The following EP400 variants were observed in gnomAD, a reference collection of about 807,000 sequenced individuals.
The protein encoded by EP400 is E1A-binding protein p400.
A neutral mutation model predicts 354.1 loss-of-function variants in EP400; 105 were observed. The observed-to-expected ratio is 0.30, with a 90% CI of 0.25 to 0.35. The LOEUF (loss-of-function observed/expected upper bound fraction) is 0.35, where lower values mean the gene tolerates loss of function less well. EP400 is among the 10% of genes least tolerant of loss of function. EP400 has a pLI of 1.00. For missense variants in EP400, 3,280 were observed against 4,121.0 expected (o/e 0.80, Z 5.59); for synonymous variants, 1,646 against 1,716.9 (o/e 0.96, Z 1.02).
intron 51 of EP400, among the ~76,000 whole-genome samples, chr12:132,072,111 G>A (rs1239452928): frequency 1.3e-5 from 2 of 152,142 alleles, no homozygotes; most frequent in Non-Finnish European, 2.9e-5. Context: ...AGCCTCGTTC[G>A]TGCGCTCTGC....
At chr12:132,011,256 A>G (rs1893754265) in intron 15 of EP400, among the ~76,000 whole-genome samples, 1 of 152,198 alleles carries the variant, frequency 6.6e-6, no homozygotes, top group African/African-American at 2.4e-5. Flanking sequence ...TGTGTCTACT[A>G]AGGCCTCCTC....
chr12:131,966,427 G>A (rs1260765266), intron 2 of EP400, among the ~76,000 whole-genome samples: 1 of 151,778 alleles, frequency 6.6e-6, no homozygotes, highest in East Asian at 1.9e-4. Flanking sequence ...AAATCAGCTG[G>A]GCATGGTGGC....
intron 4 of EP400, 137 bp from the exon 5 acceptor site, chr12:131,981,956 G>A (rs867035830): frequency 1.1e-5 from 13 of 1,165,794 alleles, no homozygotes; most frequent in Admixed American, 4.7e-5. Context: ...GTGTGTGCTC[G>A]GTTGTGGCCA....
rs71470359 is a variant in EP400 at position 131,998,966 on chromosome 12, A to G, written c.2827+4010A>G. On this transcript the variant is annotated intron_variant, in intron 12 of 52. Transcript: ENST00000389561. ...TACTTCTCTGAAGAGTTTTTCCTTTATAATCCTTGTTCCTTTTATACTACT... is the reference window on the plus strand; with the variant it reads ...TACTTCTCTGAAGAGTTTTTCCTTTGTAATCCTTGTTCCTTTTATACTACT... Among the ~76,000 whole-genome samples, 1,431 of 148,034 alleles carry G rather than the reference A, an allele frequency of 9.7e-3. 11 individuals are homozygous for G. The highest frequency in any genetic ancestry group is 0.017 in the Non-Finnish European group (1,122 of 66,762).
rs1225261411 is a variant in EP400 at position 132,054,448 on chromosome 12, GA to G, written c.7729-525del. ...CTGGAGCCACGTCCTACAGGGGAGG[GA>G]GGCAGCCAAAGGGATCATTTTAAAT... On this transcript the variant is annotated intron_variant, in intron 43 of 52. Coordinates refer to ENST00000389561, the MANE Select transcript of EP400 (RefSeq NM_015409.5). This position sits in a 1 kb window ranked among gnomAD's most constrained non-coding sequence, Gnocchi z 4.0. Among the ~76,000 whole-genome samples the G allele has an allele frequency of 1.3e-5, 2 of 152,228 alleles. No individual in the cohort carries two copies. Among genetic ancestry groups the G allele is most frequent in the African/African-American group, 4.8e-5 (2 of 41,462 alleles).
rs148186048 is a variant in EP400, at chr12:132,077,150, C to T, written c.9100-251C>T. On this transcript the variant is annotated intron_variant, in intron 52 of 52. Transcript: ENST00000389561. The stretch of plus-strand genomic sequence containing the variant: ...GCTTTACTACAACAACAAAATCAGT[C>T]CCTGACCCAGCTCTCACCCTTTTCC... 4.7e-4 allele frequency among the ~76,000 whole-genome samples: 72 copies of T among 152,368 alleles called. No individual in the cohort carries two copies. In the East Asian group the frequency reaches 0.013, roughly 27 times the overall value.
intron 30 of EP400, among the ~76,000 whole-genome samples, chr12:132,037,007 G>A (rs1894741306): frequency 6.6e-6 from 1 of 152,148 alleles, no homozygotes. Flanking sequence ...AAATCATGCT[G>A]TTAAAGTTGT....
intron 21 of EP400, among the ~76,000 whole-genome samples, chr12:132,019,370 C>T (rs999755628): frequency 6.6e-6 from 1 of 152,118 alleles, no homozygotes; most frequent in African/African-American, 2.4e-5. Context: ...GCCGTCTCTG[C>T]CTGTTACATT....
rs1272195328 is a variant in EP400, at chr12:132,064,799, G to C, written c.8466G>C (p.Gln2822His). Residue 2822 changes from glutamine (Q) to histidine (H), a missense_variant, in exon 48 of 53, where the codon CAG (glutamine) becomes CAC (histidine). Physicochemically the swap from Gln to His is conservative, Grantham distance 24 (BLOSUM62 0). Coordinates refer to ENST00000389561, the MANE Select transcript of EP400 (RefSeq NM_015409.5). ...AGACCTCGCAGCCGCCGCAGCAGCA[G>C]AGCCCCCAGCTCACGACGGTCACGG... ...QVQTSQPPQQ[Q>H]SPQLTTVTAP... 5 of 1,612,806 alleles carry C rather than the reference G, an allele frequency of 3.1e-6. No individual in the cohort carries two copies. The African/African-American group carries it at 6.7e-5, about 22-fold the overall frequency.
intron 30 of EP400, among the ~76,000 whole-genome samples, chr12:132,033,722 G>C (rs547837016): frequency 7.7e-4 from 117 of 151,958 alleles, no homozygotes; most frequent in African/African-American, 2.7e-3. Context: ...TGCACAGACA[G>C]GGTTTTGCTG....
At position 131,965,090 on chromosome 12, in the gene EP400, T is replaced by G. The variant is rs537360530; in HGVS notation, c.1335+3136T>G. On this transcript the variant is annotated intron_variant, in intron 2 of 52. Transcript: ENST00000389561. ...GATGTTTTCTTGTGTCCTCTTTGGA[T>G]CATGTATTTTTGAGAAGATTGCTAT... is the stretch of plus-strand genomic sequence containing the variant. 2.6e-5 allele frequency among the ~76,000 whole-genome samples: 4 copies of G among 152,326 alleles called. No homozygotes were observed. The South Asian group carries it at 6.2e-4, about 24-fold the overall frequency.
chr12:131,997,132 G>A lies in EP400; in HGVS notation c.2827+2176G>A, dbSNP rs772374676. 2.6e-5 allele frequency among the ~76,000 whole-genome samples: 4 copies of A among 151,692 alleles called. No homozygotes were observed. The South Asian group carries it at 8.4e-4, about 32-fold the overall frequency. On this transcript the variant is annotated intron_variant, in intron 12 of 52. Coordinates refer to ENST00000389561, the MANE Select transcript of EP400 (RefSeq NM_015409.5). ...ATGTGGGGATTAGGAGTGCCAACCCGCCCCCACCACCTGCACTGTTGAAAA... is the reference window on the plus strand; with the variant it reads ...ATGTGGGGATTAGGAGTGCCAACCCACCCCCACCACCTGCACTGTTGAAAA...
chr12:132,025,830 A>T lies in EP400; in HGVS notation c.5014+26A>T. 2 of 1,551,930 alleles carry T rather than the reference A, an allele frequency of 1.3e-6. No homozygotes were observed. The highest frequency in any genetic ancestry group is 1.7e-6 in the Non-Finnish European group (2 of 1,152,060). On this transcript the variant is annotated intron_variant, in intron 25 of 52. Coordinates refer to ENST00000389561, the MANE Select transcript of EP400 (RefSeq NM_015409.5). The surrounding 1 kb of genome is among the most constrained non-coding windows in gnomAD (Gnocchi z 4.1). ...GTAGGGTGCTCTGAGCAGGAGGGAG[A>T]CTTGGCTTGGATGCTTCTTTCTCTT...
At chr12:132,011,237 C>T (rs1042354961) in intron 15 of EP400, among the ~76,000 whole-genome samples, 5 of 152,178 alleles carry the variant, frequency 3.3e-5, no homozygotes, top group East Asian at 1.9e-4. Flanking sequence ...TGGGACTGCT[C>T]GTTCAATGTG....
chr12:132,030,017 T>G lies in EP400; in HGVS notation c.5613T>G (p.Leu1871=). 6.2e-7 allele frequency: 1 copy of G among 1,614,234 alleles called. No individual in the cohort carries two copies. Among genetic ancestry groups the G allele is most frequent in the South Asian group, 1.1e-5 (1 of 91,088 alleles). The change falls in exon 29 of 53, where the codon CTT becomes CTG. Residue 1871 remains leucine, a synonymous_variant. Coordinates refer to ENST00000389561, the MANE Select transcript of EP400 (RefSeq NM_015409.5). ...SGKLEALAIL[L]QKLKSEGRRV... The stretch of plus-strand genomic sequence containing the variant: ...AGTTGGAAGCTTTAGCTATCTTGCT[T>G]CAGAAATTGAAATCTGAAGGACGTC...
chr12:131,971,110 G>A (rs1329791344), intron 2 of EP400, among the ~76,000 whole-genome samples: 1 of 152,088 alleles, frequency 6.6e-6, no homozygotes, highest in Non-Finnish European at 1.5e-5. Context: ...AGGCTGAGGC[G>A]GGAAGATCGC....
chr12:131,991,463 T>G lies in EP400; in HGVS notation c.2679+7T>G. 6.2e-7 allele frequency: 1 copy of G among 1,613,958 alleles called. No homozygotes were observed. ...ATTACAGGAAAGTTCTCTGGTAAGTTTGGGGTTGTTACTGTGCTGTGTGAG... is the reference window on the plus strand; with the variant it reads ...ATTACAGGAAAGTTCTCTGGTAAGTGTGGGGTTGTTACTGTGCTGTGTGAG... On this transcript the variant is annotated splice_region_variant and intron_variant, in intron 10 of 52. Transcript: ENST00000389561.
chr12:132,070,934 T>C lies in EP400; in HGVS notation c.9021+1293T>C, dbSNP rs1044385389. ...CTAGATTCTGGTTATTTGAATAATT[T>C]ATCTTAGGATTTGGTTTTGTTTTGT... On this transcript the variant is annotated intron_variant, in intron 51 of 52. Coordinates refer to ENST00000389561, the MANE Select transcript of EP400 (RefSeq NM_015409.5). The surrounding 1 kb of genome is among the most constrained non-coding windows in gnomAD (Gnocchi z 4.1). 2.0e-5 allele frequency among the ~76,000 whole-genome samples: 3 copies of C among 152,246 alleles called. No individual in the cohort carries two copies. The highest frequency in any genetic ancestry group is 7.2e-5 in the African/African-American group (3 of 41,464).
intron 1 of EP400, among the ~76,000 whole-genome samples, chr12:131,958,336 C>G (rs893723689): frequency 1.3e-5 from 2 of 152,202 alleles, no homozygotes; most frequent in Non-Finnish European, 2.9e-5. Context: ...TTGCTCTTCC[C>G]TTAAGATCTG....
Sources: allele counts gnomAD v4.1 joint callset (sites outside exome capture counted in the v4.1 genomes callset), GRCh38; gene constraint gnomAD v4.1.1; non-coding constraint Gnocchi (gnomAD v3.1); transcripts MANE v1.5; gene names NCBI Gene and HGNC (gene_info 2026-07-23, HGNC 2026-07-21).